RBFOX1: variants seen among roughly 807,000 people sequenced by gnomAD.
RBFOX1 encodes RNA binding protein fox-1 homolog 1.
Under a neutral mutation model 57.7 loss-of-function variants are expected in RBFOX1, and 8 were observed. The ratio of observed to expected loss-of-function variants is 0.14; its 90% CI spans 0.08 to 0.25. The LOEUF (loss-of-function observed/expected upper bound fraction) is 0.25, where lower values mean the gene tolerates loss of function less well. Among genes scored for constraint, RBFOX1 ranks in the 10% least tolerant of loss-of-function variants. RBFOX1 has a pLI of 1.00. For synonymous variants in RBFOX1, 326 were observed against 222.4 expected, an observed-to-expected ratio of 1.47 and a Z score of -4.15; for missense variants, 611 against 548.5, an observed-to-expected ratio of 1.11 and a Z score of -1.14.
rs2072796119 is a variant in RBFOX1, at chr16:7,505,106, A to G, written c.28-13041A>G. Among the ~76,000 whole-genome samples, 4 of 151,856 alleles carry G rather than the reference A, an allele frequency of 2.6e-5. No homozygotes were observed. In the South Asian group the frequency reaches 8.3e-4, roughly 31 times the overall value. On this transcript the variant is annotated intron_variant, in intron 4 of 15. Transcript: ENST00000550418. ...AGTCAGAACATGTCTCAGTACTACTAAAAATGAAGAGACTAGCTTGGGATT... is the reference window on the plus strand; with the variant it reads ...AGTCAGAACATGTCTCAGTACTACTGAAAATGAAGAGACTAGCTTGGGATT...
At chr16:6,301,858 A>G (rs570947879) in intron 1 of RBFOX1, among the ~76,000 whole-genome samples, 1 of 152,270 alleles carries the variant, frequency 6.6e-6, no homozygotes, top group African/African-American at 2.4e-5. Flanking sequence ...GAAGCATCAG[A>G]TATGCAGTAT....
intron 1 of RBFOX1, among the ~76,000 whole-genome samples, chr16:6,036,187 C>T (rs929234688): frequency 6.6e-6 from 1 of 152,136 alleles, no homozygotes. Context: ...AGCTGCAGGA[C>T]GTTACTGGAA....
chr16:6,867,294 C>G (rs192856416), intron 3 of RBFOX1, among the ~76,000 whole-genome samples: 3 of 151,914 alleles, frequency 2.0e-5, no homozygotes, highest in Admixed American at 6.6e-5. Context: ...AGAGATCCAT[C>G]CATATTCTGG....
intron 4 of RBFOX1, among the ~76,000 whole-genome samples, chr16:7,152,656 C>G (rs2076320019): frequency 6.6e-6 from 1 of 152,008 alleles, no homozygotes; most frequent in African/African-American, 2.4e-5. Flanking sequence ...GCGCAGATGT[C>G]AGTGAAAAGG....
intron 1 of RBFOX1, among the ~76,000 whole-genome samples, chr16:6,155,146 A>C (rs1412264048): frequency 1.3e-5 from 2 of 152,222 alleles, no homozygotes; most frequent in African/African-American, 2.4e-5. Context: ...TCCATTGTAC[A>C]TATTTTAAAA....
chr16:6,591,404 A>C (rs1184159910), intron 2 of RBFOX1, among the ~76,000 whole-genome samples: 1 of 152,128 alleles, frequency 6.6e-6, no homozygotes, highest in East Asian at 1.9e-4. Flanking sequence ...CAGTGAGCTG[A>C]GATTGTACTA....
intron 4 of RBFOX1, among the ~76,000 whole-genome samples, chr16:7,066,723 A>T (rs1216414757): frequency 6.6e-6 from 1 of 152,150 alleles, no homozygotes; most frequent in Non-Finnish European, 1.5e-5. Context: ...CACTGAGTGG[A>T]TTGGTGGTTG....
chr16:6,289,427 C>T (rs1298723562), intron 1 of RBFOX1, among the ~76,000 whole-genome samples: 1 of 152,108 alleles, frequency 6.6e-6, no homozygotes, highest in African/African-American at 2.4e-5. Context: ...CTCCTTTTAA[C>T]TTGGATGTTA....
chr16:5,261,104 A>C (rs190188454), intron 1 of RBFOX1: 1 of 152,328 alleles, frequency 6.6e-6, no homozygotes, highest in Non-Finnish European at 1.5e-5. Context: ...ATATATTTAA[A>C]ACCACGTTTC....
At chr16:6,497,029 C>G (rs1173724360) in intron 2 of RBFOX1, among the ~76,000 whole-genome samples, 1 of 152,166 alleles carries the variant, frequency 6.6e-6, no homozygotes, top group African/African-American at 2.4e-5. Flanking sequence ...GGCACTGTGT[C>G]TTGGTTGGCT....
intron 1 of RBFOX1, among the ~76,000 whole-genome samples, chr16:6,184,112 C>G (rs1404245121): frequency 6.6e-6 from 1 of 152,154 alleles, no homozygotes; most frequent in Non-Finnish European, 1.5e-5. Flanking sequence ...TAAAACCATC[C>G]TATCTCATGA....
chr16:6,365,367 A>C (rs1384693422), intron 2 of RBFOX1, among the ~76,000 whole-genome samples: 1 of 142,934 alleles, frequency 7.0e-6, no homozygotes, highest in Non-Finnish European at 1.5e-5. Context: ...TAGACGGATG[A>C]GTGGATGGGT....
intron 1 of RBFOX1, among the ~76,000 whole-genome samples, chr16:5,252,223 C>T (rs1271448760): frequency 2.0e-5 from 3 of 152,222 alleles, no homozygotes; most frequent in East Asian, 3.8e-4. Flanking sequence ...CATGTGTGAG[C>T]ACGGCTGTGG....
chr16:6,202,720 A>G (rs2097222813), intron 1 of RBFOX1, among the ~76,000 whole-genome samples: 1 of 152,124 alleles, frequency 6.6e-6, no homozygotes, highest in Non-Finnish European at 1.5e-5. Context: ...GTATATTTGT[A>G]TTTATCCATC....
At chr16:6,874,133 C>G (rs866909122) in intron 3 of RBFOX1, 1 of 151,878 alleles carries the variant, frequency 6.6e-6, no homozygotes, top group Non-Finnish European at 1.5e-5. Context: ...TGGAACCAGC[C>G]GAAATGCCCA....
At chr16:7,427,935 C>G (rs566338834) in intron 4 of RBFOX1, among the ~76,000 whole-genome samples, 1 of 152,252 alleles carries the variant, frequency 6.6e-6, no homozygotes, top group East Asian at 1.9e-4. Flanking sequence ...CCACCATGCA[C>G]AGTCTTAATT....
At chr16:6,526,833 A>T (rs1469045960) in intron 2 of RBFOX1, among the ~76,000 whole-genome samples, 5 of 65,460 alleles carry the variant, frequency 7.6e-5, no homozygotes, top group Admixed American at 5.3e-4. Context: ...CTGTCTCAAA[A>T]AAAAAAAAAA....
At position 7,710,789 on chromosome 16, in the gene RBFOX1, C is replaced by A. The variant is rs1458640629; in HGVS notation, c.*44C>A. The A allele has an allele frequency of 2.7e-6, 4 of 1,467,746 alleles. No individual in the cohort carries two copies. Among genetic ancestry groups the A allele is most frequent in the East Asian group, 2.5e-5 (1 of 40,306 alleles). 90.9% of individuals were successfully genotyped at this position (1,467,746 alleles called of 1,614,324 possible). A position where few individuals can be genotyped will look rare whatever the true frequency, so the allele number is the denominator to read the frequency against. On this transcript the variant is annotated 3_prime_UTR_variant, in exon 16 of 16. Transcript: ENST00000550418. ...CCTTCCAATGTGGGGAGAAAGGAAG[C>A]TTTCCGAGGCCTGAGTATTGCAATA...
chr16:5,653,775 C>G (rs1461543262), intron 3 of RBFOX1, among the ~76,000 whole-genome samples: 1 of 152,156 alleles, frequency 6.6e-6, no homozygotes, highest in Non-Finnish European at 1.5e-5. Flanking sequence ...TCAAGCCCAG[C>G]CGGTTTACCT....
Sources: gnomAD v4.1 joint callset for allele counts (sites outside exome capture counted in the v4.1 genomes callset) on GRCh38, gnomAD v4.1.1 for gene constraint, MANE v1.5 for transcripts, NCBI Gene and HGNC (gene_info 2026-07-23, HGNC 2026-07-21) for gene names.